WDR72: variants seen among roughly 807,000 people sequenced by gnomAD.
WDR72 encodes WD repeat domain 72.
In WDR72, 120 loss-of-function variants were observed where a neutral mutation model predicts 124.2. The observed-to-expected ratio is 0.97, with a 90% CI of 0.83 to 1.12. The LOEUF (loss-of-function observed/expected upper bound fraction) is 1.12. Ranked by LOEUF, WDR72 falls within the 50% of genes most tolerant of loss-of-function variation. The probability of loss-of-function intolerance (pLI) is 0.00; values close to 1 mark genes in which losing one functional copy is unlikely to be tolerated. For missense variants in WDR72, 1,387 were observed against 1,278.8 expected, an observed-to-expected ratio of 1.08 and a Z score of -1.29; for synonymous variants, 452 against 441.7, an observed-to-expected ratio of 1.02 and a Z score of -0.29.
At chr15:53,561,276 G>T (rs568793511) in intron 18 of WDR72, among the ~76,000 whole-genome samples, 1 of 151,658 alleles carries the variant, frequency 6.6e-6, no homozygotes, top group Admixed American at 6.6e-5. Flanking sequence ...AAAAATATTA[G>T]AAATTTTACT....
At chr15:53,555,153 T>C (rs1280024370) in intron 18 of WDR72, among the ~76,000 whole-genome samples, 1 of 151,928 alleles carries the variant, frequency 6.6e-6, no homozygotes, top group African/African-American at 2.4e-5. Flanking sequence ...TACTTAGACA[T>C]CTTTTATTAC....
At chr15:53,534,036 T>TG (rs1892621795) in intron 18 of WDR72, among the ~76,000 whole-genome samples, 1 of 152,152 alleles carries the variant, frequency 6.6e-6, no homozygotes, top group African/African-American at 2.4e-5. Context: ...GCTGATGTTA[T>TG]GAGGATAACT....
At chr15:53,583,333 CTAATT>C (rs1267713064) in intron 18 of WDR72, among the ~76,000 whole-genome samples, 1 of 152,038 alleles carries the variant, frequency 6.6e-6, no homozygotes, top group Non-Finnish European at 1.5e-5. Flanking sequence ...AATAACTCAT[CTAATT>C]TGTTTTAGTA....
chr15:53,644,537 T>TA lies in WDR72; in HGVS notation c.1962+21034dup, dbSNP rs368577456. Among the ~76,000 whole-genome samples the TA allele has an allele frequency of 2.8e-3, 419 of 152,244 alleles. 2 individuals are homozygous for TA. The highest frequency in any genetic ancestry group is 9.5e-3 in the African/African-American group (395 of 41,550). On this transcript the variant is annotated intron_variant, in intron 14 of 19. Coordinates refer to ENST00000360509, the MANE Select transcript of WDR72 (RefSeq NM_182758.4). ...AATTTTATAGGGAGCCATAAGCATA[T>TA]AGGTGTATACTAGTTATGAGAAGTA...
intron 18 of WDR72, among the ~76,000 whole-genome samples, chr15:53,530,975 T>TCTCC (rs1892426079): frequency 6.6e-6 from 1 of 151,906 alleles, no homozygotes; most frequent in Non-Finnish European, 1.5e-5. Context: ...CAGCCATCTC[T>TCTCC]ATCTCAAGGG....
At chr15:53,740,332 G>A (rs1447668544) in intron 1 of WDR72, among the ~76,000 whole-genome samples, 3 of 147,046 alleles carry the variant, frequency 2.0e-5, no homozygotes, top group Admixed American at 2.0e-4. Context: ...TTTTGAGACG[G>A]AGTCTCTCTC....
At chr15:53,672,687 A>G (rs2016037633) in intron 13 of WDR72, among the ~76,000 whole-genome samples, 1 of 152,218 alleles carries the variant, frequency 6.6e-6, no homozygotes, top group Non-Finnish European at 1.5e-5. Flanking sequence ...AAATGATGAA[A>G]AAGATCTAAA....
intron 18 of WDR72, among the ~76,000 whole-genome samples, chr15:53,562,625 A>G (rs1894162149): frequency 6.6e-6 from 1 of 151,826 alleles, no homozygotes; most frequent in African/African-American, 2.4e-5. Context: ...TTGAAAAGTT[A>G]TGAATAAGTA....
chr15:53,595,723 C>A (rs1189169461), intron 18 of WDR72, among the ~76,000 whole-genome samples: 1 of 152,036 alleles, frequency 6.6e-6, no homozygotes, highest in Non-Finnish European at 1.5e-5. Context: ...TGTAGTCACT[C>A]AAAATTAATT....
At chr15:53,693,324 T>C (rs531056489) in intron 13 of WDR72, among the ~76,000 whole-genome samples, 5 of 152,326 alleles carry the variant, frequency 3.3e-5, no homozygotes, top group Middle Eastern at 6.8e-3. Context: ...TATTTTGGTG[T>C]GGCAAAGTAG....
intron 18 of WDR72, among the ~76,000 whole-genome samples, chr15:53,539,508 C>A (rs1892955706): frequency 6.6e-6 from 1 of 151,768 alleles, no homozygotes; most frequent in Admixed American, 6.6e-5. Context: ...AAAAGAGTAT[C>A]ATTTCAAATT....
intron 18 of WDR72, among the ~76,000 whole-genome samples, chr15:53,541,428 G>C (rs1350561178): frequency 2.6e-5 from 4 of 151,554 alleles, no homozygotes; most frequent in African/African-American, 7.3e-5. Context: ...CTGCAGCTGA[G>C]GGTCCTGTCT....
chr15:53,701,208 T>C (rs2017163110), intron 12 of WDR72, among the ~76,000 whole-genome samples: 1 of 152,114 alleles, frequency 6.6e-6, no homozygotes, highest in African/African-American at 2.4e-5. Context: ...TAAAGCTCAT[T>C]CTCTGTTAAA....
chr15:53,519,634 G>A (rs1042887889), intron 19 of WDR72, among the ~76,000 whole-genome samples: 2 of 152,008 alleles, frequency 1.3e-5, no homozygotes, highest in Admixed American at 6.6e-5. Flanking sequence ...AGACCTCCAG[G>A]TTCACTAGCA....
chr15:53,733,601 G>A (rs903731554), intron 1 of WDR72, among the ~76,000 whole-genome samples: 1 of 152,006 alleles, frequency 6.6e-6, no homozygotes, highest in Non-Finnish European at 1.5e-5. Flanking sequence ...TGGTGAATTT[G>A]CTATTAAAAA....
At chr15:53,682,170 A>G (rs914163028) in intron 13 of WDR72, among the ~76,000 whole-genome samples, 8 of 152,206 alleles carry the variant, frequency 5.3e-5, no homozygotes, top group Admixed American at 3.9e-4. Context: ...CATGCAGACC[A>G]TTTTACTACT....
chr15:53,669,943 T>C (rs1359308623), intron 13 of WDR72, among the ~76,000 whole-genome samples: 1 of 152,242 alleles, frequency 6.6e-6, no homozygotes, highest in East Asian at 1.9e-4. Flanking sequence ...TATTTCATTA[T>C]AGTACATCAA....
chr15:53,691,058 G>A (rs1264152034), intron 13 of WDR72, among the ~76,000 whole-genome samples: 3 of 152,114 alleles, frequency 2.0e-5, no homozygotes, highest in South Asian at 4.2e-4. Flanking sequence ...GAATAATGAT[G>A]TTGATAACCT....
intron 13 of WDR72, among the ~76,000 whole-genome samples, chr15:53,678,132 A>G (rs775228551): frequency 2.6e-5 from 4 of 152,240 alleles, no homozygotes; most frequent in Admixed American, 6.5e-5. Context: ...AGAACTGAAG[A>G]AAGAACTTTA....
Sources: allele counts gnomAD v4.1 joint callset (sites outside exome capture counted in the v4.1 genomes callset), GRCh38; gene constraint gnomAD v4.1.1; transcripts MANE v1.5; gene names NCBI Gene and HGNC (gene_info 2026-07-23, HGNC 2026-07-21).